Variants in CRPPA observed in about 807,000 individuals in gnomAD.
CRPPA encodes D-ribitol-5-phosphate cytidylyltransferase.
CRPPA carries 43 observed loss-of-function variants against 52.0 expected under a neutral mutation model. That is an observed-to-expected ratio of 0.83 (90% confidence interval 0.65 to 1.07). The LOEUF is 1.07. CRPPA is among the 50% of genes least tolerant of loss of function. CRPPA has a pLI of 0.00. For synonymous variants in CRPPA, 250 were observed against 203.5 expected (o/e 1.23, Z -1.94); for missense variants, 629 against 551.7 (o/e 1.14, Z -1.40).
At chr7:16,280,945 G>A (rs751553906) in intron 5 of CRPPA, among the ~76,000 whole-genome samples, 3 of 152,076 alleles carry the variant, frequency 2.0e-5, no homozygotes, top group South Asian at 2.1e-4. Context: ...GCTTGAACTC[G>A]GGAGGCAGAG....
chr7:16,307,235 CTTAT>C (rs1562621649), intron 4 of CRPPA, among the ~76,000 whole-genome samples: 1 of 152,146 alleles, frequency 6.6e-6, no homozygotes, highest in Non-Finnish European at 1.5e-5. Flanking sequence ...TCCAAATGTA[CTTAT>C]TTCTGATTTC....
intron 8 of CRPPA, among the ~76,000 whole-genome samples, chr7:16,253,704 A>C (rs991369135): frequency 1.1e-4 from 16 of 152,172 alleles, no homozygotes; most frequent in African/African-American, 3.9e-4. Flanking sequence ...TAAAACACCA[A>C]AGCAATGGCA....
chr7:16,278,779 G>A lies in CRPPA; in HGVS notation c.836-553C>T, dbSNP rs1457302794. Among the ~76,000 whole-genome samples, 3 of 152,170 alleles carry A rather than the reference G, an allele frequency of 2.0e-5. No individual in the cohort carries two copies. The East Asian group carries it at 5.8e-4, about 29-fold the overall frequency. On this transcript the variant is annotated intron_variant, in intron 5 of 9. Transcript: ENST00000407010. Reference sequence around the variant, plus strand: ...AACTGAAAGAATTTTCTTCACATCTGGAAGACTTGAGATGGTCCGATTTAA... The same window carrying A: ...AACTGAAAGAATTTTCTTCACATCTAGAAGACTTGAGATGGTCCGATTTAA...
In CRPPA at chr7:16,103,787, C is replaced by A. The variant is rs150864516; in HGVS notation, c.1252-11988G>T. ...ATACAATTTCCAGAACATATGATAACTTATAGGAGGGATAGAAAGCTTATC... is the reference window on the plus strand; with the variant it reads ...ATACAATTTCCAGAACATATGATAAATTATAGGAGGGATAGAAAGCTTATC... On this transcript the variant is annotated intron_variant, in intron 9 of 9. Coordinates refer to ENST00000407010, the MANE Select transcript of CRPPA (RefSeq NM_001101426.4). Among the ~76,000 whole-genome samples the A allele has an allele frequency of 5.8e-3, 884 of 152,162 alleles. 8 individuals carry two copies. The highest frequency in any genetic ancestry group is 0.02 in the African/African-American group (822 of 41,498).
intron 2 of CRPPA, among the ~76,000 whole-genome samples, chr7:16,382,190 G>T (rs1289134939): frequency 6.6e-6 from 1 of 152,066 alleles, no homozygotes; most frequent in African/African-American, 2.4e-5. Context: ...GGGCCTGGTG[G>T]TGACAAAATC....
chr7:16,420,940 A>G (rs868253476), intron 1 of CRPPA, 126 bp downstream of exon 1: 14 of 847,194 alleles, frequency 1.7e-5, no homozygotes, highest in Middle Eastern at 3.1e-4. Context: ...ACAGAGCTCA[A>G]GCTTGAATAA....
At chr7:16,397,808 T>C (rs1787648751) in intron 2 of CRPPA, among the ~76,000 whole-genome samples, 1 of 152,164 alleles carries the variant, frequency 6.6e-6, no homozygotes, top group Non-Finnish European at 1.5e-5. Context: ...GGCACGTGTT[T>C]AACATGTGAC....
rs753329929 is a variant in CRPPA at position 16,250,300 on chromosome 7, G to T, written c.1119+8090C>A. Among the ~76,000 whole-genome samples the T allele has an allele frequency of 4.9e-4, 74 of 152,182 alleles. 1 individual carries two copies. The highest frequency in any genetic ancestry group is 9.6e-4 in the Non-Finnish European group (65 of 68,038). Reference sequence around the variant, plus strand: ...ATGACACCAAGTTGGAAAACACTCTGCAGGATATTAATCAGGAGAATTTCT... The same window carrying T: ...ATGACACCAAGTTGGAAAACACTCTTCAGGATATTAATCAGGAGAATTTCT... On this transcript the variant is annotated intron_variant, in intron 8 of 9. Transcript: ENST00000407010.
chr7:16,214,756 C>T (rs1782259254), intron 9 of CRPPA, among the ~76,000 whole-genome samples: 2 of 152,116 alleles, frequency 1.3e-5, no homozygotes. Context: ...ATCCGCCCGC[C>T]CATCTTGGCC....
chr7:16,216,556 G>A lies in CRPPA; in HGVS notation c.1120-359C>T, dbSNP rs530300703. 44 of 217,546 alleles carry A rather than the reference G, an allele frequency of 2.0e-4. No homozygotes were observed. The East Asian group carries it at 3.6e-3, about 18-fold the overall frequency. 13.5% of individuals were successfully genotyped at this position (217,546 alleles called of 1,614,324 possible). Reference sequence around the variant, plus strand: ...GGGTTCATCTCACTAGGGAGCGCCAGACAGTGGGCGCAGGTCAGTGGGTGC... The same window carrying A: ...GGGTTCATCTCACTAGGGAGCGCCAAACAGTGGGCGCAGGTCAGTGGGTGC... On this transcript the variant is annotated intron_variant, in intron 8 of 9. Transcript: ENST00000407010.
At chr7:16,177,601 A>G (rs1430568995) in intron 9 of CRPPA, among the ~76,000 whole-genome samples, 1 of 152,154 alleles carries the variant, frequency 6.6e-6, no homozygotes, top group South Asian at 2.1e-4. Flanking sequence ...AAAAGTTTGA[A>G]GGAAAATGAT....
At chr7:16,241,146 T>C (rs1409985067) in intron 8 of CRPPA, among the ~76,000 whole-genome samples, 2 of 152,174 alleles carry the variant, frequency 1.3e-5, no homozygotes, top group African/African-American at 4.8e-5. Flanking sequence ...TGTGACAGTT[T>C]CTCCAGATGT....
chr7:16,252,919 T>C (rs1315502638), intron 8 of CRPPA, among the ~76,000 whole-genome samples: 2 of 152,092 alleles, frequency 1.3e-5, no homozygotes, highest in East Asian at 1.9e-4. Context: ...TCTCTGATGG[T>C]AGTTTGTATT....
At chr7:16,365,025 G>C (rs1258170925) in intron 3 of CRPPA, among the ~76,000 whole-genome samples, 1 of 152,204 alleles carries the variant, frequency 6.6e-6, no homozygotes, top group Admixed American at 6.5e-5. Flanking sequence ...CCCTGCCTCA[G>C]ATTCCCTTGG....
intron 9 of CRPPA, among the ~76,000 whole-genome samples, chr7:16,193,182 A>G (rs1333126030): frequency 2.0e-5 from 3 of 152,146 alleles, no homozygotes; most frequent in Admixed American, 6.6e-5. Context: ...ATACGTATCC[A>G]TTTATTTAGG....
At chr7:16,329,370 T>C (rs913884800) in intron 3 of CRPPA, among the ~76,000 whole-genome samples, 5 of 139,022 alleles carry the variant, frequency 3.6e-5, no homozygotes, top group African/African-American at 1.3e-4. Context: ...AAATAGATTC[T>C]TATTAAAATT....
At position 16,114,336 on chromosome 7, in the gene CRPPA, CA is replaced by C. The variant is rs1216060541; in HGVS notation, c.1252-22538del. Among the ~76,000 whole-genome samples, 6 of 147,440 alleles carry C rather than the reference CA, an allele frequency of 4.1e-5. No individual in the cohort carries two copies. The East Asian group carries it at 6.0e-4, about 15-fold the overall frequency. On this transcript the variant is annotated intron_variant, in intron 9 of 9. Coordinates refer to ENST00000407010, the MANE Select transcript of CRPPA (RefSeq NM_001101426.4). ...CACACACCTTTGATACCATTTAAGA[CA>C]AAAAAAAATCCCCAAACTTCAAAGT...
In CRPPA at chr7:16,212,158, G is replaced by A. The variant is rs1008751270; in HGVS notation, c.1251+3908C>T. Among the ~76,000 whole-genome samples, 78 of 152,064 alleles carry A rather than the reference G, an allele frequency of 5.1e-4. 1 individual carries two copies. The highest frequency in any genetic ancestry group is 1.9e-3 in the Admixed American group (29 of 15,252). ...GGAACAAAAGAAAACGTAGAATTCA[G>A]GCTAAGGGAGAGGGTAAGAGAGTGC... is the stretch of plus-strand genomic sequence containing the variant. On this transcript the variant is annotated intron_variant, in intron 9 of 9. Transcript: ENST00000407010.
chr7:16,390,264 T>G (rs1019970316), intron 2 of CRPPA, among the ~76,000 whole-genome samples: 8 of 152,192 alleles, frequency 5.3e-5, no homozygotes, highest in Non-Finnish European at 1.2e-4. Context: ...TCTGCCATCA[T>G]TAAATCAATT....
Sources: gnomAD v4.1 joint callset for allele counts (sites outside exome capture counted in the v4.1 genomes callset) on GRCh38, gnomAD v4.1.1 for gene constraint, MANE v1.5 for transcripts, NCBI Gene and HGNC (gene_info 2026-07-23, HGNC 2026-07-21) for gene names.